The following TLN2 variants were observed in gnomAD, a reference collection of about 807,000 sequenced individuals.
The protein encoded by TLN2 is talin-2.
A neutral mutation model predicts 294.7 loss-of-function variants in TLN2; 118 were observed. The ratio of observed to expected loss-of-function variants is 0.40; its 90% CI spans 0.34 to 0.47. TLN2 has a LOEUF of 0.47. Among genes scored for constraint, TLN2 ranks in the 20% least tolerant of loss-of-function variants. TLN2 has a pLI of 0.84. For missense variants in TLN2, 3,083 were observed against 3,282.2 expected (o/e 0.94, Z 1.48); for synonymous variants, 1,431 against 1,304.5 (o/e 1.10, Z -2.09).
At chr15:62,816,616 T>C (rs2067138597) in intron 52 of TLN2, among the ~76,000 whole-genome samples, 1 of 152,238 alleles carries the variant, frequency 6.6e-6, no homozygotes, top group South Asian at 2.1e-4. Context: ...TTCCACTCTG[T>C]GGGAATGTTG....
rs563712349 is a variant in TLN2 at position 62,761,583 on chromosome 15, C to T, written c.4639-98C>T. 50 of 1,535,086 alleles carry T rather than the reference C, an allele frequency of 3.3e-5. No individual in the cohort carries two copies. The African/African-American group carries it at 3.5e-4, about 11-fold the overall frequency. On this transcript the variant is annotated intron_variant, in intron 37 of 58. Transcript: ENST00000636159. Reference sequence around the variant, plus strand: ...AAGTCACCAGAGATTTTCAGTGTTCCGGTTGAACCACCTTCTTTCACTAAG... The same window carrying T: ...AAGTCACCAGAGATTTTCAGTGTTCTGGTTGAACCACCTTCTTTCACTAAG...
At chr15:62,426,930 A>T (rs2034749343) in intron 1 of TLN2, among the ~76,000 whole-genome samples, 1 of 152,124 alleles carries the variant, frequency 6.6e-6, no homozygotes, top group African/African-American at 2.4e-5. Context: ...CTAAATCTGC[A>T]TTTTTATTAG....
chr15:62,840,514 A>G lies in TLN2; in HGVS notation c.7533A>G (p.Lys2511=), dbSNP rs750277632. 1.5e-5 allele frequency: 24 copies of G among 1,614,108 alleles called. No homozygotes were observed. The South Asian group carries it at 2.6e-4, about 18-fold the overall frequency. ...CCGCCCAGGAAGAAATGCTAAAGAA[A>G]GAGCGAGAACTGGAAGAAGCAAGGA... ...IIAAQEEMLK[K]ERELEEARKK... Residue 2511 remains lysine, a synonymous_variant, in exon 59 of 59, where the codon AAA becomes AAG. Transcript: ENST00000636159.
intron 37 of TLN2, among the ~76,000 whole-genome samples, chr15:62,757,151 T>C (rs527324072): frequency 1.7e-4 from 26 of 152,350 alleles, no homozygotes; most frequent in Middle Eastern, 6.8e-3. Context: ...GATGGGAATC[T>C]GAGGCACAAA....
intron 21 of TLN2, among the ~76,000 whole-genome samples, chr15:62,709,328 A>G (rs1045715430): frequency 1.3e-5 from 2 of 152,272 alleles, no homozygotes; most frequent in Admixed American, 6.5e-5. Context: ...AGTTTAAATA[A>G]TTTTGGCAGG....
chr15:62,482,602 C>CAAAAAAAAAAAAAAAAAAAAAAAATAA (rs781297837), intron 1 of TLN2, among the ~76,000 whole-genome samples: 1 of 75,782 alleles, frequency 1.3e-5, no homozygotes, highest in Non-Finnish European at 2.7e-5. Flanking sequence ...AACGTTGTCT[C>CAAAAAAAAAAAAAAAAAAAAAAAATAA]AAAAAAAAAA....
intron 1 of TLN2, among the ~76,000 whole-genome samples, chr15:62,507,434 C>T (rs2039683875): frequency 6.6e-6 from 1 of 152,106 alleles, no homozygotes; most frequent in African/African-American, 2.4e-5. Flanking sequence ...ACAGTGAGTC[C>T]CTTGCCCTAA....
At chr15:62,553,815 A>G (rs954445910) in intron 1 of TLN2, among the ~76,000 whole-genome samples, 6 of 152,212 alleles carry the variant, frequency 3.9e-5, no homozygotes, top group Non-Finnish European at 1.5e-5. Flanking sequence ...TATTATTTAT[A>G]AAATACTTAT....
At chr15:62,558,886 A>G (rs1260951106) in intron 1 of TLN2, among the ~76,000 whole-genome samples, 2 of 152,202 alleles carry the variant, frequency 1.3e-5, no homozygotes, top group African/African-American at 4.8e-5. Context: ...TCTCCCTGAT[A>G]AAAGAGGGGG....
chr15:62,644,492 C>T (rs1260348196), intron 3 of TLN2: 1 of 456,062 alleles, frequency 2.2e-6, no homozygotes, highest in Admixed American at 2.3e-5. Context: ...CACCTCTCCA[C>T]TGAATACCTC....
chr15:62,724,919 G>A (rs1255312084), intron 26 of TLN2, 57 bp from the exon 27 acceptor site: 3 of 1,561,500 alleles, frequency 1.9e-6, no homozygotes, highest in Non-Finnish European at 2.6e-6. Flanking sequence ...TTGCAAAAGT[G>A]TTGGGGACAC....
At chr15:62,800,327 A>G (rs778407159) in intron 48 of TLN2, 41 bp from the exon 49 acceptor site, 5 of 1,601,466 alleles carry the variant, frequency 3.1e-6, no homozygotes, top group East Asian at 4.5e-5. Context: ...CACAGCTGAC[A>G]TCTTGACGCC....
At chr15:62,542,158 G>A (rs1025476987) in intron 1 of TLN2, among the ~76,000 whole-genome samples, 2 of 151,958 alleles carry the variant, frequency 1.3e-5, no homozygotes, top group Non-Finnish European at 2.9e-5. Flanking sequence ...TAATTCAGTT[G>A]TCTTCCCTTA....
intron 22 of TLN2, among the ~76,000 whole-genome samples, chr15:62,712,323 T>G (rs1049000094): frequency 1.1e-4 from 16 of 152,328 alleles, no homozygotes; most frequent in Admixed American, 7.2e-4. Flanking sequence ...GAGGCCTCTT[T>G]TTCCATTTGG....
At chr15:62,658,457 C>T (rs1242473133) in intron 9 of TLN2, among the ~76,000 whole-genome samples, 1 of 152,170 alleles carries the variant, frequency 6.6e-6, no homozygotes, top group Non-Finnish European at 1.5e-5. Context: ...AACTTTTCTT[C>T]TGGTGGCAGA....
In TLN2 at chr15:62,702,059, G is replaced by A. The variant is rs761268956; in HGVS notation, c.1764G>A (p.Thr588=). Residue 588 remains threonine (T), a synonymous_variant, in exon 18 of 59, where the codon ACG becomes ACA. Coordinates refer to ENST00000636159, the MANE Select transcript of TLN2 (RefSeq NM_015059.3). ...CAITTISSNL[T]EMSKGVKLLA... ...TCACCACTATTTCTTCCAACCTGACGGAGATGTCCAAGGGTGTGAAGCTAT... is the reference window on the plus strand; with the variant it reads ...TCACCACTATTTCTTCCAACCTGACAGAGATGTCCAAGGGTGTGAAGCTAT... The A allele has an allele frequency of 2.5e-6, 4 of 1,614,106 alleles. No homozygotes were observed. The highest frequency in any genetic ancestry group is 3.3e-5 in the Admixed American group (2 of 60,012).
chr15:62,774,953 C>CTTTTTT lies in TLN2; in HGVS notation c.5368-1795_5368-1790dup, dbSNP rs36003657. Among the ~76,000 whole-genome samples the CTTTTTT allele has an allele frequency of 1.4e-4, 14 of 101,486 alleles. 2 individuals are homozygous for CTTTTTT. Among genetic ancestry groups the CTTTTTT allele is most frequent in the Non-Finnish European group, 1.6e-4 (8 of 50,180 alleles). The allele number at this position is 101,486 out of a possible 152,430, so 66.6% of individuals were successfully genotyped here. On this transcript the variant is annotated intron_variant, in intron 42 of 58. Coordinates refer to ENST00000636159, the MANE Select transcript of TLN2 (RefSeq NM_015059.3). ...TCATATGAATGTGTAGAATTGCTGG[C>CTTTTTT]TTTTTTTTTTTTTTTTTTTTTGAGA...
At chr15:62,672,829 T>G (rs949017027) in intron 9 of TLN2, among the ~76,000 whole-genome samples, 12 of 152,166 alleles carry the variant, frequency 7.9e-5, no homozygotes, top group African/African-American at 2.2e-4. Context: ...GTTCCTGGCC[T>G]TTAAACTGGA....
chr15:62,790,445 A>G (rs2064999786), intron 45 of TLN2, among the ~76,000 whole-genome samples: 1 of 152,222 alleles, frequency 6.6e-6, no homozygotes, highest in South Asian at 2.1e-4. Context: ...ATTCTCACCT[A>G]GTTTTGCCAG....
Sources: allele counts gnomAD v4.1 joint callset (sites outside exome capture counted in the v4.1 genomes callset), GRCh38; gene constraint gnomAD v4.1.1; transcripts MANE v1.5; gene names NCBI Gene and HGNC (gene_info 2026-07-23, HGNC 2026-07-21).